Variants in FMNL2 observed in about 807,000 individuals in gnomAD.
FMNL2 encodes the protein formin-like protein 2.
In FMNL2, 51 loss-of-function variants were observed where a neutral mutation model predicts 130.2. The observed-to-expected ratio is 0.39, with a 90% CI of 0.31 to 0.49. The LOEUF is 0.49. Ranked by LOEUF, FMNL2 falls within the 20% of genes least tolerant of loss-of-function variation. The probability of loss-of-function intolerance (pLI) is 0.85; values close to 1 mark genes in which losing one functional copy is unlikely to be tolerated. For missense variants in FMNL2, 977 were observed against 1,316.2 expected, an observed-to-expected ratio of 0.74 and a Z score of 3.99; for synonymous variants, 465 against 467.1, an observed-to-expected ratio of 1.00 and a Z score of 0.06.
rs144422110 is a variant in FMNL2 at position 152,557,677 on chromosome 2, T to G, written c.360-1063T>G. On this transcript the variant is annotated intron_variant, in intron 4 of 25. Coordinates refer to ENST00000288670, the MANE Select transcript of FMNL2 (RefSeq NM_052905.4). ...AAGACCTCAAGGGGTTGCTCATGCT[T>G]AAGGGATACTTGGTAGAATTGTCCT... 1.1e-3 allele frequency among the ~76,000 whole-genome samples: 169 copies of G among 152,364 alleles called. 2 individuals carry two copies. The highest frequency in any genetic ancestry group is 1.1e-3 in the Non-Finnish European group (74 of 68,028).
intron 1 of FMNL2, among the ~76,000 whole-genome samples, chr2:152,400,838 C>A (rs1685653628): frequency 6.6e-6 from 1 of 152,196 alleles, no homozygotes; most frequent in Non-Finnish European, 1.5e-5. Flanking sequence ...CCCTGGGGGG[C>A]AGTCACCCAT....
At chr2:152,449,805 C>G (rs532354173) in intron 1 of FMNL2, among the ~76,000 whole-genome samples, 19 of 152,220 alleles carry the variant, frequency 1.2e-4, no homozygotes, top group Non-Finnish European at 2.5e-4. Flanking sequence ...TGGTGTCAAA[C>G]AGCTTTGCTA....
At chr2:152,638,926 C>T (rs990436649) in intron 23 of FMNL2, among the ~76,000 whole-genome samples, 1 of 152,216 alleles carries the variant, frequency 6.6e-6, no homozygotes, top group African/African-American at 2.4e-5. Context: ...GGGTTTGTCT[C>T]AAAGCCTGAG....
intron 2 of FMNL2, among the ~76,000 whole-genome samples, chr2:152,537,416 T>C (rs574967072): frequency 3.9e-5 from 6 of 152,082 alleles, no homozygotes; most frequent in South Asian, 4.2e-4. Context: ...CCTTAGGGGA[T>C]TGGGTTAATG....
chr2:152,398,169 G>C (rs1211087257), intron 1 of FMNL2, among the ~76,000 whole-genome samples: 1 of 152,104 alleles, frequency 6.6e-6, no homozygotes, highest in African/African-American at 2.4e-5. Flanking sequence ...TTGTCCTCTG[G>C]CCTGCGAACT....
intron 9 of FMNL2, among the ~76,000 whole-genome samples, chr2:152,590,451 C>T (rs532332842): frequency 5.3e-5 from 8 of 152,140 alleles, no homozygotes; most frequent in African/African-American, 1.9e-4. Flanking sequence ...AACCCTGTCT[C>T]TACTAAAAAT....
intron 1 of FMNL2, among the ~76,000 whole-genome samples, chr2:152,490,991 G>A (rs551458604): frequency 6.6e-6 from 1 of 152,232 alleles, no homozygotes; most frequent in East Asian, 1.9e-4. Flanking sequence ...TGTCTATTAA[G>A]CCCTCTGTGT....
intron 1 of FMNL2, among the ~76,000 whole-genome samples, chr2:152,387,653 CT>C (rs538872851): frequency 2.0e-5 from 3 of 150,022 alleles, no homozygotes; most frequent in African/African-American, 2.5e-5. Flanking sequence ...TGTGTTTTTT[CT>C]TTTTTTTTGG....
At chr2:152,349,402 C>A (rs570664519) in intron 1 of FMNL2, among the ~76,000 whole-genome samples, 2 of 152,304 alleles carry the variant, frequency 1.3e-5, no homozygotes, top group African/African-American at 4.8e-5. Flanking sequence ...AGGGTGTTAA[C>A]GTGGCCACTA....
chr2:152,495,231 A>G (rs557510397), intron 1 of FMNL2, among the ~76,000 whole-genome samples: 51 of 152,322 alleles, frequency 3.3e-4, no homozygotes, highest in African/African-American at 1.1e-3. Flanking sequence ...AGCTACAAGA[A>G]TTCTTGGAGT....
In FMNL2 at chr2:152,590,980, C is replaced by CTTTTTTTTTTTTT. The variant is rs1158391663; in HGVS notation, c.876+9963_876+9975dup. Among the ~76,000 whole-genome samples the CTTTTTTTTTTTTT allele has an allele frequency of 4.3e-4, 28 of 65,786 alleles. 3 individuals carry two copies. Among genetic ancestry groups the CTTTTTTTTTTTTT allele is most frequent in the Admixed American group, 6.5e-4 (3 of 4,630 alleles). The allele number at this position is 65,786 out of a possible 152,430, so 43.2% of individuals were successfully genotyped here. On this transcript the variant is annotated intron_variant, in intron 9 of 25. Coordinates refer to ENST00000288670, the MANE Select transcript of FMNL2 (RefSeq NM_052905.4). ...CAGAGTTAGATTTTCCCTCTGATAACTTTTTTTTTTTTTTTTTTTTTTTTT... is the reference window on the plus strand; with the variant it reads ...CAGAGTTAGATTTTCCCTCTGATAACTTTTTTTTTTTTTTTTTTTTTTTTTTTTTTTTTTTTTT...
chr2:152,461,524 TAAAA>T (rs1175310404), intron 1 of FMNL2, among the ~76,000 whole-genome samples: 1 of 152,188 alleles, frequency 6.6e-6, no homozygotes, highest in Non-Finnish European at 1.5e-5. Context: ...CAGTTATACT[TAAAA>T]GTTTTTCAAT....
At chr2:152,626,502 A>G (rs1340773271) in intron 16 of FMNL2, 23 bp from the exon 17 acceptor site, 12 of 1,560,344 alleles carry the variant, frequency 7.7e-6, no homozygotes, top group Non-Finnish European at 8.7e-6. Flanking sequence ...CCAATTTTCC[A>G]TGGTCATTCC....
intron 6 of FMNL2, among the ~76,000 whole-genome samples, chr2:152,563,483 G>A (rs1315391681): frequency 6.6e-6 from 1 of 151,978 alleles, no homozygotes; most frequent in Admixed American, 6.6e-5. Flanking sequence ...AGCTCTTGTG[G>A]TTCATGGATT....
chr2:152,466,659 C>T (rs1558886534), intron 1 of FMNL2, among the ~76,000 whole-genome samples: 1 of 152,164 alleles, frequency 6.6e-6, no homozygotes, highest in Non-Finnish European at 1.5e-5. Flanking sequence ...CTTTGTCTTC[C>T]TTCATAAGAT....
intron 1 of FMNL2, 89 bp downstream of exon 1, chr2:152,335,809 C>G: frequency 2.0e-6 from 2 of 993,394 alleles, no homozygotes; most frequent in Non-Finnish European, 2.8e-6. Flanking sequence ...TCACCCCGTG[C>G]CGGGAGCGAG....
chr2:152,468,472 T>C (rs1271974793), intron 1 of FMNL2, among the ~76,000 whole-genome samples: 1 of 152,342 alleles, frequency 6.6e-6, no homozygotes, highest in Non-Finnish European at 1.5e-5. Flanking sequence ...TTTTCATTTG[T>C]ATATTTTATG....
In FMNL2 at chr2:152,632,086, C is replaced by G; in HGVS notation, c.2629C>G (p.Gln877Glu). ...CAATGTGGTGAAAGAAAAATATCAC[C>G]AAGTGTCCCTGTTTTATAATGAGCT... ...ISNVVKEKYH[Q>E]VSLFYNELHY... The change falls in exon 21 of 26, where the codon CAA becomes GAA. Residue 877 changes from glutamine to glutamate, a missense_variant. This residue lies in a region of FMNL2 where 689 missense variants were observed against 995.9 expected (regional missense o/e 0.69). Coordinates refer to ENST00000288670, the MANE Select transcript of FMNL2 (RefSeq NM_052905.4). 2 of 1,613,218 alleles carry G rather than the reference C, an allele frequency of 1.2e-6. No homozygotes were observed. Among genetic ancestry groups the G allele is most frequent in the Non-Finnish European group, 1.7e-6 (2 of 1,179,514 alleles).
intron 6 of FMNL2, among the ~76,000 whole-genome samples, chr2:152,572,437 G>A (rs2105672919): frequency 6.6e-6 from 1 of 152,188 alleles, no homozygotes; most frequent in South Asian, 2.1e-4. Flanking sequence ...TGGTAAAGTG[G>A]CTAATATCTT....
Sources: gnomAD v4.1 joint callset for allele counts (sites outside exome capture counted in the v4.1 genomes callset) on GRCh38, gnomAD v4.1.1 for gene constraint, gnomAD v4.1.1 regional missense constraint, MANE v1.5 for transcripts, NCBI Gene and HGNC (gene_info 2026-07-23, HGNC 2026-07-21) for gene names.